ARHGAP15: variants seen among roughly 807,000 people sequenced by gnomAD.
The protein encoded by ARHGAP15 is Rho GTPase activating protein 15.
A neutral mutation model predicts 63.7 loss-of-function variants in ARHGAP15; 51 were observed. The observed-to-expected ratio is 0.80, with a 90% CI of 0.64 to 1.01. The LOEUF is 1.01. Among genes scored for constraint, ARHGAP15 ranks in the 50% least tolerant of loss-of-function variants. The pLI is 0.00. For missense variants in ARHGAP15, 560 were observed against 564.6 expected, an observed-to-expected ratio of 0.99 and a Z score of 0.08; for synonymous variants, 191 against 193.8, an observed-to-expected ratio of 0.99 and a Z score of 0.12.
At chr2:143,679,679 G>A (rs1015881845) in intron 12 of ARHGAP15, among the ~76,000 whole-genome samples, 1 of 134,906 alleles carries the variant, frequency 7.4e-6, no homozygotes, top group Non-Finnish European at 1.6e-5. Context: ...GTGTGTGTGT[G>A]TGTGTATGTG....
chr2:143,375,837 C>T (rs1396959654), intron 6 of ARHGAP15, among the ~76,000 whole-genome samples: 2 of 152,206 alleles, frequency 1.3e-5, no homozygotes, highest in African/African-American at 2.4e-5. Flanking sequence ...GAGACCCCAA[C>T]TACTCCAAAT....
intron 9 of ARHGAP15, among the ~76,000 whole-genome samples, chr2:143,517,602 G>A (rs115226512): frequency 2.5e-4 from 38 of 152,216 alleles, no homozygotes; most frequent in African/African-American, 8.7e-4. Flanking sequence ...GAGATATGAC[G>A]CCTACTCTCC....
At chr2:143,338,481 T>C (rs1358224050) in intron 6 of ARHGAP15, among the ~76,000 whole-genome samples, 6 of 152,150 alleles carry the variant, frequency 3.9e-5, no homozygotes, top group African/African-American at 1.4e-4. Context: ...AAATACAATG[T>C]GTGAAAGGCA....
At chr2:143,257,582 A>G (rs960040173) in intron 6 of ARHGAP15, among the ~76,000 whole-genome samples, 1 of 152,096 alleles carries the variant, frequency 6.6e-6, no homozygotes, top group African/African-American at 2.4e-5. Flanking sequence ...GCTGTTCTTC[A>G]TTTACCGACA....
intron 3 of ARHGAP15, among the ~76,000 whole-genome samples, chr2:143,212,225 C>T (rs1692588860): frequency 6.6e-6 from 1 of 152,180 alleles, no homozygotes. Context: ...TTGTCTTCTG[C>T]TCCCCTGTCT....
chr2:143,491,302 C>G (rs1398620647), intron 9 of ARHGAP15, among the ~76,000 whole-genome samples: 1 of 152,144 alleles, frequency 6.6e-6, no homozygotes, highest in Non-Finnish European at 1.5e-5. Flanking sequence ...TAGTTTTAGC[C>G]AGACTGCCTT....
chr2:143,408,340 A>T (rs1558950917), intron 6 of ARHGAP15, among the ~76,000 whole-genome samples: 1 of 150,304 alleles, frequency 6.7e-6, no homozygotes, highest in Non-Finnish European at 1.5e-5. Context: ...TTTTTATATA[A>T]ATTTTGTGCG....
intron 13 of ARHGAP15, among the ~76,000 whole-genome samples, chr2:143,749,413 C>T (rs1230215819): frequency 6.6e-6 from 1 of 152,244 alleles, no homozygotes; most frequent in East Asian, 1.9e-4. Context: ...ATCCTTCTCT[C>T]TCTCTTTATT....
Position 143,624,268 on chromosome 2 carries a change from G to C in ARHGAP15, c.1138+1G>C. On this transcript the variant is annotated splice_donor_variant, in intron 12 of 13. Transcript: ENST00000295095. LOFTEE classifies it high-confidence loss of function. ...TTTGAGCAGTTTGTGGAAGCGATCA[G>C]TAAGTACCTCACAGAAAAGGGCAGG... 1 of 1,611,636 alleles carries C rather than the reference G, an allele frequency of 6.2e-7. No homozygotes were observed. The highest frequency in any genetic ancestry group is 8.5e-7 in the Non-Finnish European group (1 of 1,178,422).
chr2:143,630,845 A>G (rs1262086019), intron 12 of ARHGAP15, among the ~76,000 whole-genome samples: 1 of 152,046 alleles, frequency 6.6e-6, no homozygotes, highest in East Asian at 1.9e-4. Flanking sequence ...TATAATTGGC[A>G]TACAATGAAC....
At chr2:143,321,692 T>C (rs139149805) in intron 6 of ARHGAP15, among the ~76,000 whole-genome samples, 275 of 152,380 alleles carry the variant, frequency 1.8e-3, no homozygotes, top group African/African-American at 6.4e-3. Flanking sequence ...AGACATCTAT[T>C]ACAATTCTTT....
At chr2:143,401,227 G>C (rs1458724299) in intron 6 of ARHGAP15, among the ~76,000 whole-genome samples, 2 of 151,946 alleles carry the variant, frequency 1.3e-5, no homozygotes, top group East Asian at 3.9e-4. Context: ...TAGGATGAAT[G>C]GAGGTAGAAA....
chr2:143,474,310 C>A (rs1243076959), intron 8 of ARHGAP15, among the ~76,000 whole-genome samples: 2 of 152,138 alleles, frequency 1.3e-5, no homozygotes, highest in Admixed American at 6.5e-5. Context: ...AATCACCCCC[C>A]ACCCTTGAGG....
intron 5 of ARHGAP15, among the ~76,000 whole-genome samples, chr2:143,231,298 G>C (rs1257702203): frequency 6.6e-6 from 1 of 151,944 alleles, no homozygotes; most frequent in Non-Finnish European, 1.5e-5. Context: ...ACACAATAGA[G>C]AGTATAATTA....
At chr2:143,741,404 G>GT in intron 13 of ARHGAP15, 1 of 152,286 alleles carries the variant, frequency 6.6e-6, no homozygotes, top group East Asian at 1.9e-4. Flanking sequence ...CAACTTTGAT[G>GT]TTTTTAGCTT....
rs529835177 is a variant in ARHGAP15, at chr2:143,587,894, T to C, written c.1003+31409T>C. 1.0e-5 allele frequency: 3 copies of C among 300,026 alleles called. No homozygotes were observed. The East Asian group carries it at 2.5e-4, about 25-fold the overall frequency. The allele number at this position is 300,026 out of a possible 1,614,324, so 18.6% of individuals were successfully genotyped here. On this transcript the variant is annotated intron_variant, in intron 11 of 13. Coordinates refer to ENST00000295095, the MANE Select transcript of ARHGAP15 (RefSeq NM_018460.4). ...AGAAGAGCAGAAAAGAAGTCTACTG[T>C]TGTTAGCACCTCAACTAACTGAACC... is the stretch of plus-strand genomic sequence containing the variant.
chr2:143,331,193 G>C (rs568384779), intron 6 of ARHGAP15, among the ~76,000 whole-genome samples: 1 of 151,982 alleles, frequency 6.6e-6, no homozygotes, highest in African/African-American at 2.4e-5. Context: ...TTTCCCCCTG[G>C]GAACTACATT....
intron 9 of ARHGAP15, among the ~76,000 whole-genome samples, chr2:143,489,972 A>C (rs556977620): frequency 6.6e-6 from 1 of 152,188 alleles, no homozygotes; most frequent in South Asian, 2.1e-4. Flanking sequence ...CTGCAGCGAC[A>C]TGTCAGTTTT....
At chr2:143,282,121 A>G (rs1256435783) in intron 6 of ARHGAP15, among the ~76,000 whole-genome samples, 2 of 152,084 alleles carry the variant, frequency 1.3e-5, no homozygotes, top group Non-Finnish European at 2.9e-5. Flanking sequence ...AAATATCAGA[A>G]TCATATTGTT....
Sources: allele counts gnomAD v4.1 joint callset (sites outside exome capture counted in the v4.1 genomes callset), GRCh38; gene constraint gnomAD v4.1.1; transcripts MANE v1.5; gene names NCBI Gene and HGNC (gene_info 2026-07-23, HGNC 2026-07-21).